The following ODF2 variants were observed in gnomAD, a reference collection of about 807,000 sequenced individuals.
ODF2 encodes outer dense fiber of sperm tails 2.
Under a neutral mutation model 110.2 loss-of-function variants are expected in ODF2, and 47 were observed. The ratio of observed to expected loss-of-function variants is 0.43; its 90% CI spans 0.34 to 0.54. The LOEUF (loss-of-function observed/expected upper bound fraction) is 0.54, where lower values mean the gene tolerates loss of function less well. ODF2 is among the 20% of genes least tolerant of loss of function. The pLI, the probability that ODF2 is intolerant of heterozygous loss-of-function variation, is 0.03. For missense variants in ODF2, 812 were observed against 1,054.5 expected (o/e 0.77, Z 3.19); for synonymous variants, 352 against 397.7 (o/e 0.89, Z 1.37).
In ODF2 at chr9:128,498,565, C is replaced by T. The variant is rs774318802; in HGVS notation, c.2165C>T (p.Ala722Val). The T allele has an allele frequency of 4.5e-6, 7 of 1,571,586 alleles. No individual in the cohort carries two copies. Among genetic ancestry groups the T allele is most frequent in the East Asian group, 2.3e-5 (1 of 44,236 alleles). The change falls in exon 19 of 21, where the codon GCG (alanine) becomes GTG (valine). Residue 722 changes from alanine to valine, a missense_variant. By Grantham distance (64) the Ala-to-Val change is moderately conservative. Around this residue, in one of 5 missense-constraint regions of ODF2, gnomAD observed 234 missense variants for 245.3 expected, o/e 0.95. Coordinates refer to ENST00000604420, the Ensembl canonical transcript of ODF2. Reference sequence around the variant, plus strand: ...CAGTTGGAGAGTGCCATTGAAGATGCGAGGAGGCAGGTCAGTCCCGATTTC... The same window carrying T: ...CAGTTGGAGAGTGCCATTGAAGATGTGAGGAGGCAGGTCAGTCCCGATTTC...
chr9:128,496,084 A>G, exon 18 of ODF2: 3 of 1,613,988 alleles, frequency 1.9e-6, no homozygotes, highest in Non-Finnish European at 2.5e-6. Context: ...AGAGAGAAAC[A>G]TCAGGCTTCC....
chr9:128,461,024 C>T lies in ODF2; in HGVS notation c.206C>T (p.Pro69Leu), dbSNP rs764853984. The change falls in exon 4 of 21, where the codon CCC becomes CTC. Residue 69 changes from proline to leucine, a missense_variant. By Grantham distance (98) the Pro-to-Leu change is moderately conservative. Around this residue, in one of 5 missense-constraint regions of ODF2, gnomAD observed 121 missense variants for 123.7 expected, o/e 0.98. Coordinates refer to ENST00000604420, the Ensembl canonical transcript of ODF2. ...GTGAAAACCAAGGTACCTTGGATGC[C>T]CCCTGGAAAATCATCTGCCCGGCCT... The T allele has an allele frequency of 1.9e-6, 3 of 1,614,000 alleles. No individual in the cohort carries two copies. The African/African-American group carries it at 4.0e-5, about 22-fold the overall frequency.
intron 17 of ODF2, 59 bp from the exon 18 acceptor site, chr9:128,495,982 A>G: frequency 6.3e-7 from 1 of 1,598,752 alleles, no homozygotes. Flanking sequence ...TCATAGGGAA[A>G]GGGGAGGGCT....
chr9:128,474,550 C>T (rs1030821904), intron 8 of ODF2, among the ~76,000 whole-genome samples: 11 of 151,166 alleles, frequency 7.3e-5, no homozygotes, highest in African/African-American at 2.4e-4. Flanking sequence ...AATCTCAGCT[C>T]CTCAGGAGGC....
At position 128,494,990 on chromosome 9, in the gene ODF2, C is replaced by A; in HGVS notation, c.1911+322C>A. 1 of 218,398 alleles carries A rather than the reference C, an allele frequency of 4.6e-6. No homozygotes were observed. The highest frequency in any genetic ancestry group is 7.8e-6 in the Non-Finnish European group (1 of 128,432). The allele number at this position is 218,398 out of a possible 1,614,324, so 13.5% of individuals were successfully genotyped here. Reference sequence around the variant, plus strand: ...CTCCACACCCACAGCTGGGAGATGCCAGCAGACACCGAGCCGTAGAATTTC... The same window carrying A: ...CTCCACACCCACAGCTGGGAGATGCAAGCAGACACCGAGCCGTAGAATTTC... On this transcript the variant is annotated intron_variant, in intron 17 of 20. Transcript: ENST00000604420. The surrounding 1 kb of genome is among the most constrained non-coding windows in gnomAD (Gnocchi z 4.6).
intron 9 of ODF2, among the ~76,000 whole-genome samples, chr9:128,482,513 G>A (rs1842589972): frequency 6.6e-6 from 1 of 152,048 alleles, no homozygotes; most frequent in African/African-American, 2.4e-5. Flanking sequence ...GTTTCAATGT[G>A]CATTAACTGG....
At chr9:128,462,624 G>A (rs1836792112) in intron 4 of ODF2, among the ~76,000 whole-genome samples, 1 of 151,030 alleles carries the variant, frequency 6.6e-6, no homozygotes, top group Admixed American at 6.6e-5. Context: ...TTTTGAGACG[G>A]AGTCTCGCTC....
At chr9:128,498,957 A>G in intron 19 of ODF2, 44 bp from the exon 20 acceptor site, 2 of 1,610,820 alleles carry the variant, frequency 1.2e-6, no homozygotes, top group East Asian at 2.2e-5. Context: ...AGTGTTCCCC[A>G]TGTCCGGTAA....
exon 3 of ODF2, chr9:128,459,638 C>T (rs1835879026): frequency 1.2e-6 from 2 of 1,613,562 alleles, no homozygotes; most frequent in South Asian, 1.1e-5. Context: ...CCTTGTGGCG[C>T]ACCCAGTGTA....
At chr9:128,499,021 C>T (rs748947925) in exon 20 of ODF2, 42 of 1,614,008 alleles carry the variant, frequency 2.6e-5, no homozygotes, top group South Asian at 1.2e-4. Context: ...CCAAGGAGCA[C>T]GCACTCTCCA....
At chr9:128,481,139 T>C (rs2131967722) in intron 8 of ODF2, among the ~76,000 whole-genome samples, 1 of 152,260 alleles carries the variant, frequency 6.6e-6, no homozygotes, top group Non-Finnish European at 1.5e-5. Context: ...CACTATTTTA[T>C]AGTGAGAATA....
intron 18 of ODF2, 179 bp downstream of exon 18, chr9:128,496,320 A>AG: frequency 1.4e-6 from 2 of 1,473,104 alleles, no homozygotes; most frequent in Non-Finnish European, 1.8e-6. Flanking sequence ...GGAGAGAGCA[A>AG]GGGGGCCTCT....
At chr9:128,461,411 A>ATTTTC (rs780579744) in intron 4 of ODF2, 26 of 216,620 alleles carry the variant, frequency 1.2e-4, no homozygotes, top group African/African-American at 3.6e-4. Flanking sequence ...CATCACATGT[A>ATTTTC]TTTTCTTTTC....
intron 1 of ODF2, chr9:128,456,936 A>G (rs1835016128): frequency 2.4e-6 from 3 of 1,242,218 alleles, no homozygotes; most frequent in South Asian, 1.7e-5. Flanking sequence ...CCTAGGAGAC[A>G]GTTGTCCGGC....
exon 6 of ODF2, chr9:128,471,310 C>T: frequency 6.2e-7 from 1 of 1,608,302 alleles, no homozygotes; most frequent in South Asian, 1.1e-5. Flanking sequence ...CTGCTCAGGT[C>T]AAGATGCAAA....
At chr9:128,461,579 C>G (rs1169033734) in intron 4 of ODF2, among the ~76,000 whole-genome samples, 1 of 152,078 alleles carries the variant, frequency 6.6e-6, no homozygotes, top group Non-Finnish European at 1.5e-5. Context: ...CCACCACTTA[C>G]GTCTGATTTT....
intron 18 of ODF2, chr9:128,496,423 CAGGAGGGCCCA>C: frequency 9.4e-7 from 1 of 1,058,742 alleles, no homozygotes; most frequent in Non-Finnish European, 1.3e-6. Flanking sequence ...CCAGGCCTGC[CAGGAGGGCCCA>C]GTTTGAATGG....
chr9:128,476,478 G>A (rs1374927938), intron 8 of ODF2, among the ~76,000 whole-genome samples: 1 of 151,054 alleles, frequency 6.6e-6, no homozygotes, highest in Non-Finnish European at 1.5e-5. Flanking sequence ...AGTAGAGACG[G>A]GGTTTCATCA....
At chr9:128,465,666 T>C (rs1341363557) in intron 4 of ODF2, among the ~76,000 whole-genome samples, 1 of 149,202 alleles carries the variant, frequency 6.7e-6, no homozygotes, top group Admixed American at 6.7e-5. Flanking sequence ...GCTTGAACCC[T>C]GGAGGCGGAG....
Sources: gnomAD v4.1 joint callset for allele counts (sites outside exome capture counted in the v4.1 genomes callset) on GRCh38, gnomAD v4.1.1 for gene constraint, gnomAD v4.1.1 regional missense constraint, Gnocchi (gnomAD v3.1) non-coding constraint, MANE v1.5 for transcripts, NCBI Gene and HGNC (gene_info 2026-07-23, HGNC 2026-07-21) for gene names.